LCP2: variants seen among roughly 807,000 people sequenced by gnomAD.
The protein encoded by LCP2 is 76 kDa tyrosine phosphoprotein.
Under a neutral mutation model 74.5 loss-of-function variants are expected in LCP2, and 29 were observed. The ratio of observed to expected loss-of-function variants is 0.39; its 90% CI spans 0.29 to 0.53. LCP2 has a LOEUF of 0.53. Ranked by LOEUF, LCP2 falls within the 20% of genes least tolerant of loss-of-function variation. The probability of loss-of-function intolerance (pLI) is 0.72; values close to 1 mark genes in which losing one functional copy is unlikely to be tolerated. For missense variants in LCP2, 604 were observed against 634.6 expected (o/e 0.95, Z 0.52); for synonymous variants, 228 against 229.5 (o/e 0.99, Z 0.06).
chr5:170,290,408 G>A (rs1319972190), intron 2 of LCP2, among the ~76,000 whole-genome samples: 1 of 152,146 alleles, frequency 6.6e-6, no homozygotes, highest in Non-Finnish European at 1.5e-5. Flanking sequence ...AACTCTCCAG[G>A]CTCCCTTGCA....
rs1762418427 is a variant in LCP2 at position 170,297,766 on chromosome 5, T to C, written c.-155A>G. The C allele has an allele frequency of 3.8e-6, 2 of 528,504 alleles. No individual in the cohort carries two copies. Among genetic ancestry groups the C allele is most frequent in the Non-Finnish European group, 6.7e-6 (2 of 297,464 alleles). The allele number at this position is 528,504 out of a possible 1,614,324, so 32.7% of individuals were successfully genotyped here. ...GTTGGAGCCGATGTCTTTTCTGGCG[T>C]AGCCAGATCCCAGAAAGCAACGGCT... On this transcript the variant is annotated 5_prime_UTR_variant, in exon 1 of 21. Coordinates refer to ENST00000046794, the MANE Select transcript of LCP2 (RefSeq NM_005565.5).
In LCP2 at chr5:170,297,389, C is replaced by T. The variant is rs908614945; in HGVS notation, c.78+145G>A. On this transcript the variant is annotated intron_variant, in intron 1 of 20. Coordinates refer to ENST00000046794, the MANE Select transcript of LCP2 (RefSeq NM_005565.5). ...CAGGAAAACTCAGCGGTCTATATGG[C>T]GCTCACTCAACCAGTAAAGTTGCCA... The T allele has an allele frequency of 2.5e-5, 16 of 650,440 alleles. No homozygotes were observed. The East Asian group carries it at 3.5e-4, about 14-fold the overall frequency. The allele number at this position is 650,440 out of a possible 1,614,324, so 40.3% of individuals were successfully genotyped here.
intron 19 of LCP2, 96 bp downstream of exon 19, chr5:170,252,338 A>G: frequency 1.5e-6 from 1 of 667,742 alleles, no homozygotes; most frequent in South Asian, 1.9e-5. Context: ...AGCACCTAGC[A>G]GAATTCCTAG....
In LCP2 at chr5:170,248,542, A is replaced by T; in HGVS notation, c.*155T>A. On this transcript the variant is annotated 3_prime_UTR_variant, in exon 21 of 21. Coordinates refer to ENST00000046794, the MANE Select transcript of LCP2 (RefSeq NM_005565.5). ...AATTATGGGATAGTTGACAGTCTTC[A>T]TTTCAAACACTGTTTTTAAAGGAAA... 1 of 758,360 alleles carries T rather than the reference A, an allele frequency of 1.3e-6. No individual in the cohort carries two copies. The highest frequency in any genetic ancestry group is 2.2e-6 in the Non-Finnish European group (1 of 454,396). The allele number at this position is 758,360 out of a possible 1,614,324, so 47.0% of individuals were successfully genotyped here.
At chr5:170,275,450 G>A in intron 4 of LCP2, 99 bp from the exon 5 acceptor site, 1 of 1,339,746 alleles carries the variant, frequency 7.5e-7, no homozygotes. Flanking sequence ...CCCAGTGGAG[G>A]GCATGTCTCA....
chr5:170,291,617 C>T (rs895575343), intron 2 of LCP2, among the ~76,000 whole-genome samples: 2 of 152,214 alleles, frequency 1.3e-5, no homozygotes, highest in Non-Finnish European at 2.9e-5. Flanking sequence ...GCCTGACACT[C>T]GCACCAGGAC....
At chr5:170,293,119 G>A (rs1762317508) in intron 2 of LCP2, among the ~76,000 whole-genome samples, 191 bp downstream of exon 2, 1 of 152,194 alleles carries the variant, frequency 6.6e-6, no homozygotes, top group African/African-American at 2.4e-5. Context: ...GGTGTAAGTG[G>A]AAGATCAGAG....
intron 3 of LCP2, among the ~76,000 whole-genome samples, chr5:170,283,028 G>A (rs35049498): frequency 6.6e-6 from 1 of 152,186 alleles, no homozygotes; most frequent in Non-Finnish European, 1.5e-5. Flanking sequence ...AGCTGGAATT[G>A]GTCCTTGTTA....
chr5:170,262,847 C>G lies in LCP2; in HGVS notation c.813G>C (p.Ala271=), dbSNP rs908125133. The G allele has an allele frequency of 6.2e-7, 1 of 1,614,022 alleles. No homozygotes were observed. The highest frequency in any genetic ancestry group is 1.7e-5 in the Admixed American group (1 of 60,020). Residue 271 remains alanine (A), a synonymous_variant, in exon 12 of 21, where the codon GCG becomes GCC. Coordinates refer to ENST00000046794, the MANE Select transcript of LCP2 (RefSeq NM_005565.5). ...PPFSDKPSIP[A]GRSLGEHLPK... ...TGTAGATGCAACAGTCTTACCTTCC[C>G]GCTGGAATCGAGGGCTGCAAGACAG...
intron 9 of LCP2, 24 bp downstream of exon 9, chr5:170,266,985 A>G (rs1216877068): frequency 6.2e-7 from 1 of 1,613,636 alleles, no homozygotes. Flanking sequence ...GAACAGGGCA[A>G]GAGAGAGCAG....
chr5:170,294,849 T>G (rs180909265), intron 1 of LCP2, among the ~76,000 whole-genome samples: 3 of 152,280 alleles, frequency 2.0e-5, no homozygotes, highest in African/African-American at 7.2e-5. Flanking sequence ...TTTTGAAGAG[T>G]GCTAACTTTG....
chr5:170,253,302 C>CAA, intron 17 of LCP2, 89 bp from the exon 18 acceptor site: 2 of 800,852 alleles, frequency 2.5e-6, no homozygotes, highest in Non-Finnish European at 4.0e-6. Context: ...CCCACTCCCC[C>CAA]AAAAAAATAC....
At chr5:170,275,668 C>T in intron 4 of LCP2, 127 bp downstream of exon 4, 1 of 828,366 alleles carries the variant, frequency 1.2e-6, no homozygotes. Context: ...ACACCATCTT[C>T]CAGACCCCTG....
intron 7 of LCP2, among the ~76,000 whole-genome samples, chr5:170,269,840 G>A (rs150001716): frequency 3.3e-5 from 5 of 152,134 alleles, no homozygotes; most frequent in East Asian, 1.9e-4. Flanking sequence ...TTGCTTTTCC[G>A]GACCTCCACT....
intron 13 of LCP2, 41 bp downstream of exon 13, chr5:170,262,594 G>T (rs1277838090): frequency 6.8e-7 from 1 of 1,470,192 alleles, no homozygotes; most frequent in Non-Finnish European, 9.4e-7. Context: ...CTGTCTGCCG[G>T]CCACTGTGAG....
At chr5:170,263,143 G>C (rs1029236045) in intron 10 of LCP2, among the ~76,000 whole-genome samples, 151 bp from the exon 11 acceptor site, 1 of 151,996 alleles carries the variant, frequency 6.6e-6, no homozygotes, top group Admixed American at 6.5e-5. Flanking sequence ...GACTAGGAAG[G>C]GTCCGTTAGA....
At chr5:170,291,224 A>AGGAAGGAAG (rs879712493) in intron 2 of LCP2, among the ~76,000 whole-genome samples, 2 of 147,802 alleles carry the variant, frequency 1.4e-5, no homozygotes, top group Non-Finnish European at 3.0e-5. Flanking sequence ...GAAGGAAGGA[A>AGGAAGGAAG]GAAAGGAAGG....
At chr5:170,266,778 T>G (rs532008828) in intron 10 of LCP2, 30 bp downstream of exon 10, 3 of 1,557,822 alleles carry the variant, frequency 1.9e-6, no homozygotes, top group Non-Finnish European at 2.7e-6. Flanking sequence ...TTATCATTAT[T>G]ACTATGCATT....
intron 4 of LCP2, chr5:170,275,564 CATGACTGTCTG>C: frequency 1.5e-6 from 1 of 649,548 alleles, no homozygotes; most frequent in Non-Finnish European, 2.7e-6. Context: ...ACTGGAAGCT[CATGACTGTCTG>C]ATGCTGTAGA....
Sources: gnomAD v4.1 joint callset for allele counts (sites outside exome capture counted in the v4.1 genomes callset) on GRCh38, gnomAD v4.1.1 for gene constraint, MANE v1.5 for transcripts, NCBI Gene and HGNC (gene_info 2026-07-23, HGNC 2026-07-21) for gene names.